CACNB4: variants seen among roughly 807,000 people sequenced by gnomAD.
The protein encoded by CACNB4 is voltage-dependent L-type calcium channel subunit beta-4.
CACNB4 carries 32 observed loss-of-function variants against 71.2 expected under a neutral mutation model. That is an observed-to-expected ratio of 0.45 (90% CI 0.34 to 0.60). The LOEUF is 0.60. Among genes scored for constraint, CACNB4 ranks in the 20% least tolerant of loss-of-function variants. The pLI is 0.01. For missense variants in CACNB4, 464 were observed against 647.9 expected, an observed-to-expected ratio of 0.72 and a Z score of 3.08; for synonymous variants, 231 against 236.9, an observed-to-expected ratio of 0.97 and a Z score of 0.23.
intron 3 of CACNB4, chr2:151,883,044 C>T (rs2099848374): frequency 1.8e-6 from 1 of 557,710 alleles, no homozygotes. Flanking sequence ...AAACCAAATA[C>T]AAAAAGGTGA....
At chr2:151,910,225 G>GT (rs1164618464) in intron 2 of CACNB4, among the ~76,000 whole-genome samples, 2 of 151,872 alleles carry the variant, frequency 1.3e-5, no homozygotes, top group African/African-American at 4.8e-5. Context: ...TTTTCGTGGG[G>GT]TTTTTCTTGT....
chr2:151,981,345 ATGC>A (rs1422428338), intron 2 of CACNB4, among the ~76,000 whole-genome samples: 1 of 382 alleles, frequency 2.6e-3, no homozygotes, highest in Non-Finnish European at 7.7e-3. Context: ...CTCCATCATA[ATGC>A]ATGCAGCCTA....
chr2:151,913,335 T>C (rs2099856688), intron 2 of CACNB4, among the ~76,000 whole-genome samples: 1 of 152,200 alleles, frequency 6.6e-6, no homozygotes, highest in South Asian at 2.1e-4. Flanking sequence ...AGTGCTTCTC[T>C]CAGGAACTCT....
At chr2:152,001,288 C>T (rs1467842534) in intron 2 of CACNB4, among the ~76,000 whole-genome samples, 1 of 151,938 alleles carries the variant, frequency 6.6e-6, no homozygotes, top group Non-Finnish European at 1.5e-5. Flanking sequence ...AAGAATGGGG[C>T]CTGAGACTCA....
At chr2:151,940,231 G>A (rs542276697) in intron 2 of CACNB4, among the ~76,000 whole-genome samples, 1 of 152,246 alleles carries the variant, frequency 6.6e-6, no homozygotes, top group Admixed American at 6.5e-5. Flanking sequence ...CTATATACTG[G>A]AGACATGAGG....
At chr2:151,883,706 T>C (rs999834474) in intron 2 of CACNB4, 6 of 339,964 alleles carry the variant, frequency 1.8e-5, no homozygotes, top group Non-Finnish European at 3.4e-5. Flanking sequence ...CCATCTTCTC[T>C]TTTGCATATA....
chr2:151,923,205 CTA>C (rs965686995), intron 2 of CACNB4, among the ~76,000 whole-genome samples: 28 of 152,232 alleles, frequency 1.8e-4, no homozygotes, highest in Non-Finnish European at 3.2e-4. Flanking sequence ...AGCCTCCAGA[CTA>C]TGTGGTGGCT....
At chr2:151,937,847 T>C (rs1363068908) in intron 2 of CACNB4, among the ~76,000 whole-genome samples, 3 of 152,178 alleles carry the variant, frequency 2.0e-5, no homozygotes, top group Admixed American at 6.5e-5. Context: ...TTTAGAGAGT[T>C]CATCTGCCAA....
intron 11 of CACNB4, 117 bp downstream of exon 11, chr2:151,855,107 T>C (rs1186649928): frequency 3.4e-6 from 2 of 592,688 alleles, no homozygotes; most frequent in South Asian, 7.3e-5. Context: ...AGATTTTAAA[T>C]GTGCTTATTA....
chr2:151,883,941 G>T (rs182444003), intron 2 of CACNB4: 11 of 171,736 alleles, frequency 6.4e-5, no homozygotes, highest in Non-Finnish European at 1.4e-4. Flanking sequence ...ACACTGAGCA[G>T]AAAAACAACC....
intron 2 of CACNB4, among the ~76,000 whole-genome samples, chr2:151,943,257 A>C (rs758411674): frequency 1.3e-5 from 2 of 152,220 alleles, no homozygotes; most frequent in Non-Finnish European, 2.9e-5. Context: ...AAATAGAAAG[A>C]ACCTACGTTG....
At chr2:151,997,186 A>C (rs1339477977) in intron 2 of CACNB4, among the ~76,000 whole-genome samples, 2 of 152,190 alleles carry the variant, frequency 1.3e-5, no homozygotes, top group African/African-American at 2.4e-5. Context: ...TGTTGCAATG[A>C]GATCATCCTG....
At chr2:151,872,569 T>C in intron 5 of CACNB4, 76 bp from the exon 6 acceptor site, 3 of 790,610 alleles carry the variant, frequency 3.8e-6, no homozygotes, top group Non-Finnish European at 6.5e-6. Context: ...CAAAGCTTTC[T>C]TTGGCCCTCA....
chr2:152,044,435 G>A (rs1449148919), intron 2 of CACNB4, among the ~76,000 whole-genome samples: 1 of 152,104 alleles, frequency 6.6e-6, no homozygotes, highest in African/African-American at 2.4e-5. Context: ...GGTCAGGCTG[G>A]TCTGGAACTC....
intron 2 of CACNB4, among the ~76,000 whole-genome samples, chr2:151,901,973 G>A (rs1465437316): frequency 6.6e-6 from 1 of 151,042 alleles, no homozygotes; most frequent in African/African-American, 2.4e-5. Context: ...GTCCTTGTGA[G>A]AATAAGTAGA....
At chr2:152,033,960 T>C (rs149419482) in intron 2 of CACNB4, among the ~76,000 whole-genome samples, 128 of 152,262 alleles carry the variant, frequency 8.4e-4, no homozygotes, top group African/African-American at 3.0e-3. Flanking sequence ...AAGAACTTTG[T>C]ATTGCTTGGT....
chr2:151,878,230 C>T (rs2099846953), intron 4 of CACNB4, among the ~76,000 whole-genome samples: 1 of 151,602 alleles, frequency 6.6e-6, no homozygotes, highest in African/African-American at 2.4e-5. Flanking sequence ...GATTCTGATA[C>T]ATTATGAAGG....
At position 151,883,296 on chromosome 2, in the gene CACNB4, T is replaced by A. The variant is rs553682728; in HGVS notation, c.222A>T (p.Arg74=). 322 of 1,613,884 alleles carry A rather than the reference T, an allele frequency of 2.0e-4. 3 individuals carry two copies. The South Asian group carries it at 3.4e-3, about 17-fold the overall frequency. The stretch of plus-strand genomic sequence containing the variant: ...TAGCTGCTTGCTGTTCTCTCTCCTG[T>A]CGAATTGCTTCCCGGTCCTCTTCCA... The part of the protein sequence containing the change: ...VSLEEDREAI[R]QEREQQAAIQ... The change falls in exon 3 of 14, where the codon CGA becomes CGT. Residue 74 remains arginine (R), a synonymous_variant. Transcript: ENST00000539935.
chr2:151,901,272 C>T (rs1478805359), intron 2 of CACNB4, among the ~76,000 whole-genome samples: 2 of 152,042 alleles, frequency 1.3e-5, no homozygotes, highest in African/African-American at 2.4e-5. Context: ...TATGAGCCAC[C>T]GTGCCTGGCC....
Sources: allele counts gnomAD v4.1 joint callset (sites outside exome capture counted in the v4.1 genomes callset), GRCh38; gene constraint gnomAD v4.1.1; transcripts MANE v1.5; gene names NCBI Gene and HGNC (gene_info 2026-07-23, HGNC 2026-07-21).